NF1: variants seen among roughly 807,000 people sequenced by gnomAD.
The protein encoded by NF1 is neurofibromin.
NF1 carries 122 observed loss-of-function variants against 325.7 expected under a neutral mutation model. The ratio of observed to expected loss-of-function variants is 0.37; its 90% CI spans 0.32 to 0.44. The LOEUF is 0.44. Ranked by LOEUF, NF1 falls within the 20% of genes least tolerant of loss-of-function variation. The pLI, the probability that NF1 is intolerant of heterozygous loss-of-function variation, is 1.00. For synonymous variants in NF1, 1,091 were observed against 1,186.0 expected (o/e 0.92, Z 1.65); for missense variants, 2,140 against 3,415.4 (o/e 0.63, Z 9.31).
chr17:31,218,947 T>C (rs532557710), intron 13 of NF1, 58 bp from the exon 14 acceptor site: 9 of 1,502,228 alleles, frequency 6.0e-6, no homozygotes, highest in African/African-American at 1.4e-5. Context: ...TCTTCCTCCT[T>C]CTAATCTCTC....
At chr17:31,095,452 TC>T in intron 1 of NF1, 83 bp downstream of exon 1, 1 of 1,220,204 alleles carries the variant, frequency 8.2e-7, no homozygotes, top group Non-Finnish European at 1.1e-6. Flanking sequence ...AGCGGCCGCC[TC>T]CCCCGCGGCT....
chr17:31,295,300 A>G (rs2068439518), intron 36 of NF1: 1 of 1,613,978 alleles, frequency 6.2e-7, no homozygotes, highest in Admixed American at 1.7e-5. Flanking sequence ...CTTCATGTGA[A>G]TTGATAGTCT....
In NF1 at chr17:31,377,661, T is replaced by C. The variant is rs962115053; in HGVS notation, c.*3506T>C. 1.8e-5 allele frequency: 4 copies of C among 228,466 alleles called. No homozygotes were observed. In the Admixed American group the frequency reaches 2.3e-4, roughly 13 times the overall value. The allele number at this position is 228,466 out of a possible 1,614,324, so 14.2% of individuals were successfully genotyped here. On this transcript the variant is annotated 3_prime_UTR_variant, in exon 58 of 58. Transcript: ENST00000358273. ...CCCCTTTTTTTAAGTAAAATGTAAATTCAATCTGCTCTAAGATATGAGGAG... is the reference window on the plus strand; with the variant it reads ...CCCCTTTTTTTAAGTAAAATGTAAACTCAATCTGCTCTAAGATATGAGGAG...
intron 1 of NF1, among the ~76,000 whole-genome samples, chr17:31,143,954 T>C (rs1916410379): frequency 6.6e-6 from 1 of 152,138 alleles, no homozygotes; most frequent in South Asian, 2.1e-4. Flanking sequence ...CCCAAGTAGC[T>C]GGGACTACAG....
Position 31,252,960 on chromosome 17 carries a change from A to G in NF1, c.4133A>G (p.Asn1378Ser), listed in dbSNP as rs751447544. ...LYQATCHSLL[N>S]KATVKEKKEN... ...TAGGCAACTTGCCACTCCCTACTGA[A>G]TAAAGCTACAGTAAAAGAAAAAAAG... The change falls in exon 31 of 58, where the codon AAT becomes AGT. Residue 1378 changes from asparagine to serine, a missense_variant. Transcript: ENST00000358273. The G allele has an allele frequency of 2.5e-6, 4 of 1,613,596 alleles. No individual in the cohort carries two copies. The African/African-American group carries it at 5.3e-5, about 22-fold the overall frequency.
chr17:31,305,167 T>G, intron 36 of NF1: 1 of 1,614,160 alleles, frequency 6.2e-7, no homozygotes, highest in East Asian at 2.2e-5. Context: ...TGATGATTGT[T>G]GAGTAAAAGT....
At chr17:31,099,226 T>A (rs2143191459) in intron 1 of NF1, among the ~76,000 whole-genome samples, 1 of 152,324 alleles carries the variant, frequency 6.6e-6, no homozygotes, top group African/African-American at 2.4e-5. Context: ...TATTGCACTC[T>A]GATGGGTATC....
intron 2 of NF1, 63 bp downstream of exon 2, chr17:31,156,189 T>C (rs569029947): frequency 2.6e-6 from 4 of 1,559,038 alleles, no homozygotes; most frequent in East Asian, 2.2e-5. Context: ...TTAAAAAGTT[T>C]AGAACAGCAT....
chr17:31,199,375 A>T (rs549029509), intron 8 of NF1, among the ~76,000 whole-genome samples: 73 of 152,214 alleles, frequency 4.8e-4, no homozygotes, highest in Middle Eastern at 3.4e-3. Context: ...ATATTTGTGA[A>T]TTTTTTAGTT....
rs573043378 is a variant in NF1 at position 31,296,514 on chromosome 17, T to C, written c.4836-29306T>C. ...CTTCATTTATAGTCCAAATGCTTAA[T>C]CCTTCAATTGGGCTATGTGGTAGAG... On this transcript the variant is annotated intron_variant, in intron 36 of 57. Transcript: ENST00000358273. 46 of 646,790 alleles carry C rather than the reference T, an allele frequency of 7.1e-5. No homozygotes were observed. The East Asian group carries it at 1.1e-3, about 16-fold the overall frequency. The allele number at this position is 646,790 out of a possible 1,614,324, so 40.1% of individuals were successfully genotyped here. A position where few individuals can be genotyped will look rare whatever the true frequency, so the allele number is the denominator to read the frequency against.
intron 31 of NF1, chr17:31,253,542 T>A (rs2081193076): frequency 6.5e-6 from 1 of 152,898 alleles, no homozygotes; most frequent in African/African-American, 2.4e-5. Context: ...ATTATAGAAA[T>A]TTTAATGGTA....
intron 48 of NF1, among the ~76,000 whole-genome samples, chr17:31,347,350 C>T (rs2070019884): frequency 1.3e-5 from 2 of 151,738 alleles, no homozygotes; most frequent in African/African-American, 4.8e-5. Flanking sequence ...TGTGCCTGGA[C>T]TGAGTATAAC....
chr17:31,313,456 C>G (rs1008360119), intron 36 of NF1, among the ~76,000 whole-genome samples: 4 of 152,046 alleles, frequency 2.6e-5, no homozygotes, highest in Admixed American at 6.6e-5. Context: ...GTAATCCCAG[C>G]ACTTTGGGAG....
intron 1 of NF1, among the ~76,000 whole-genome samples, chr17:31,109,119 C>G (rs941173909): frequency 6.6e-6 from 1 of 152,198 alleles, no homozygotes; most frequent in Non-Finnish European, 1.5e-5. Context: ...ATTAAAATCA[C>G]CCTTTCACCT....
At chr17:31,114,912 C>T (rs957942489) in intron 1 of NF1, among the ~76,000 whole-genome samples, 8 of 152,088 alleles carry the variant, frequency 5.3e-5, no homozygotes, top group African/African-American at 1.9e-4. Flanking sequence ...GTGTGCATGC[C>T]TGTGGCTGTG....
chr17:31,268,486 G>GCC (rs2151473349), intron 36 of NF1, among the ~76,000 whole-genome samples: 1 of 152,018 alleles, frequency 6.6e-6, no homozygotes, highest in African/African-American at 2.4e-5. Flanking sequence ...AATTAGGCAG[G>GCC]CGTGGTGGCA....
At chr17:31,341,365 A>G (rs2069816479) in intron 47 of NF1, among the ~76,000 whole-genome samples, 1 of 152,068 alleles carries the variant, frequency 6.6e-6, no homozygotes, top group Non-Finnish European at 1.5e-5. Context: ...CTCTACAAAA[A>G]AGGCAAAAAT....
At chr17:31,188,783 G>A (rs2066286131) in intron 8 of NF1, among the ~76,000 whole-genome samples, 1 of 151,976 alleles carries the variant, frequency 6.6e-6, no homozygotes, top group Admixed American at 6.6e-5. Context: ...GTGAAAAAGA[G>A]AGATGGGCCT....
chr17:31,302,462 T>C (rs537508622), intron 36 of NF1, among the ~76,000 whole-genome samples: 1 of 152,266 alleles, frequency 6.6e-6, no homozygotes, highest in African/African-American at 2.4e-5. Context: ...ACATATCTTA[T>C]TTACCATAAC....
Sources: gnomAD v4.1 joint callset for allele counts (sites outside exome capture counted in the v4.1 genomes callset) on GRCh38, gnomAD v4.1.1 for gene constraint, MANE v1.5 for transcripts, NCBI Gene and HGNC (gene_info 2026-07-23, HGNC 2026-07-21) for gene names.